Variants in CADPS2 observed in about 807,000 individuals in gnomAD.
The protein encoded by CADPS2 is calcium-dependent secretion activator 2.
A neutral mutation model predicts 172.5 loss-of-function variants in CADPS2; 93 were observed. The ratio of observed to expected loss-of-function variants is 0.54; its 90% CI spans 0.46 to 0.64. CADPS2 has a LOEUF of 0.64. CADPS2 is among the 30% of genes least tolerant of loss of function. The pLI, the probability that CADPS2 is intolerant of heterozygous loss-of-function variation, is 0.00. For missense variants in CADPS2, 1,420 were observed against 1,565.9 expected (o/e 0.91, Z 1.57); for synonymous variants, 546 against 555.2 (o/e 0.98, Z 0.23).
intron 22 of CADPS2, among the ~76,000 whole-genome samples, chr7:122,391,303 T>C (rs1375081479): frequency 1.3e-5 from 2 of 152,104 alleles, no homozygotes; most frequent in East Asian, 3.9e-4. Flanking sequence ...AAGCCCCAAT[T>C]TGTCATTATT....
chr7:122,747,802 C>T (rs929891035), intron 1 of CADPS2, among the ~76,000 whole-genome samples: 4 of 150,864 alleles, frequency 2.7e-5, no homozygotes, highest in African/African-American at 7.4e-5. Flanking sequence ...ACCTTCAAAA[C>T]GCCGTCCCAT....
chr7:122,483,771 T>C lies in CADPS2; in HGVS notation c.1853-2911A>G, dbSNP rs77474569. Among the ~76,000 whole-genome samples, 1,350 of 152,196 alleles carry C rather than the reference T, an allele frequency of 8.9e-3. 16 individuals are homozygous for C. Among genetic ancestry groups the C allele is most frequent in the South Asian group, 0.018 (88 of 4,824 alleles). On this transcript the variant is annotated intron_variant, in intron 11 of 29. Transcript: ENST00000449022. ...AGTGTGCATACTATACATGAAGATA[T>C]ATAATAAATTTAAAGGGTATACTTT...
intron 24 of CADPS2, chr7:122,382,225 C>T (rs1252629014): frequency 6.6e-6 from 1 of 151,886 alleles, no homozygotes; most frequent in African/African-American, 2.4e-5. Context: ...AGGAAAATGA[C>T]AAATTAACAT....
chr7:122,411,260 G>A (rs955627539), intron 19 of CADPS2, among the ~76,000 whole-genome samples: 13 of 145,618 alleles, frequency 8.9e-5, no homozygotes, highest in Admixed American at 5.7e-4. Flanking sequence ...TTGCTCTGTC[G>A]CCCAGGCTGG....
intron 8 of CADPS2, among the ~76,000 whole-genome samples, chr7:122,524,058 AT>A (rs1173251275): frequency 6.6e-6 from 1 of 152,156 alleles, no homozygotes; most frequent in African/African-American, 2.4e-5. Flanking sequence ...AAAGGAAATG[AT>A]TTACTTATGC....
chr7:122,581,503 A>T (rs2068810485), intron 6 of CADPS2, among the ~76,000 whole-genome samples: 1 of 152,164 alleles, frequency 6.6e-6, no homozygotes, highest in African/African-American at 2.4e-5. Flanking sequence ...TCAAAAAATT[A>T]GCATGTTGGA....
intron 1 of CADPS2, among the ~76,000 whole-genome samples, chr7:122,810,679 T>C (rs953016792): frequency 4.6e-5 from 7 of 152,144 alleles, no homozygotes; most frequent in Admixed American, 2.0e-4. Context: ...AGGAATTTGC[T>C]TTTTTAGCTC....
intron 1 of CADPS2, among the ~76,000 whole-genome samples, chr7:122,814,224 G>A (rs577375250): frequency 1.5e-3 from 221 of 150,542 alleles, no homozygotes; most frequent in Non-Finnish European, 2.5e-3. Context: ...TGGTAATAAC[G>A]TGACTAGTAA....
intron 17 of CADPS2, chr7:122,424,320 A>G: frequency 3.0e-6 from 3 of 984,296 alleles, no homozygotes; most frequent in Non-Finnish European, 3.6e-6. Flanking sequence ...CACATTAACT[A>G]CTTTACCTAG....
At chr7:122,480,099 T>C in intron 12 of CADPS2, 1 of 471,736 alleles carries the variant, frequency 2.1e-6, no homozygotes, top group South Asian at 1.5e-5. Flanking sequence ...TCTAGCACGT[T>C]ACATTTTAAG....
At chr7:122,396,491 C>T (rs966735123) in intron 20 of CADPS2, among the ~76,000 whole-genome samples, 16 of 152,166 alleles carry the variant, frequency 1.1e-4, no homozygotes, top group African/African-American at 3.9e-4. Context: ...AAGAATGTCA[C>T]TCCTAAAGAT....
In CADPS2 at chr7:122,621,580, T is replaced by C. The variant is rs780390112; in HGVS notation, c.1005A>G (p.Gln335=). The change falls in exon 5 of 30, where the codon CAA becomes CAG. Residue 335 remains glutamine, a synonymous_variant. Transcript: ENST00000449022. ...CAGAGTTCTGTGAACGTTTTAATTT[T>C]TGTAATTTAAATTCCGGACCACCTT... The part of the protein sequence containing the change: ...VSKGGPEFKL[Q]KLKRSQNSAF... 6.2e-7 allele frequency: 1 copy of C among 1,613,910 alleles called. No individual in the cohort carries two copies.
At chr7:122,673,602 C>T (rs2082089361) in intron 2 of CADPS2, among the ~76,000 whole-genome samples, 2 of 151,934 alleles carry the variant, frequency 1.3e-5, no homozygotes, top group South Asian at 4.1e-4. Flanking sequence ...CTCCAAGTCC[C>T]CACCAGATTA....
intron 2 of CADPS2, among the ~76,000 whole-genome samples, chr7:122,666,655 T>G (rs554194339): frequency 6.6e-6 from 1 of 152,228 alleles, no homozygotes; most frequent in South Asian, 2.1e-4. Context: ...TAACACAATT[T>G]TAAGCAACAT....
At chr7:122,721,203 T>G (rs565254046) in intron 2 of CADPS2, among the ~76,000 whole-genome samples, 2 of 151,502 alleles carry the variant, frequency 1.3e-5, no homozygotes, top group South Asian at 4.2e-4. Context: ...TAAATCTGTC[T>G]CTCCTTAGAG....
chr7:122,517,154 C>T (rs2060439020), intron 8 of CADPS2, among the ~76,000 whole-genome samples: 1 of 152,116 alleles, frequency 6.6e-6, no homozygotes, highest in Non-Finnish European at 1.5e-5. Flanking sequence ...CAGTATGTAG[C>T]CTTTCTGTCT....
chr7:122,620,009 T>C (rs2075401419), intron 5 of CADPS2, among the ~76,000 whole-genome samples: 1 of 152,164 alleles, frequency 6.6e-6, no homozygotes, highest in Non-Finnish European at 1.5e-5. Flanking sequence ...GAGAGGCAGA[T>C]GTCCTGAAGT....
At chr7:122,585,952 G>C (rs1338685200) in intron 6 of CADPS2, among the ~76,000 whole-genome samples, 2 of 151,846 alleles carry the variant, frequency 1.3e-5, no homozygotes, top group African/African-American at 4.8e-5. Flanking sequence ...CAAAATAATT[G>C]TAAGTATTAA....
At chr7:122,492,752 G>A (rs1586599352) in intron 9 of CADPS2, among the ~76,000 whole-genome samples, 1 of 151,932 alleles carries the variant, frequency 6.6e-6, no homozygotes, top group Admixed American at 6.6e-5. Context: ...CAGGCTGGAG[G>A]ACAGTGGCAC....
Sources: gnomAD v4.1 joint callset for allele counts (sites outside exome capture counted in the v4.1 genomes callset) on GRCh38, gnomAD v4.1.1 for gene constraint, MANE v1.5 for transcripts, NCBI Gene and HGNC (gene_info 2026-07-23, HGNC 2026-07-21) for gene names.